The following SMARCC1 variants were observed in gnomAD, a reference collection of about 807,000 sequenced individuals.
SMARCC1 encodes the protein SWI/SNF complex subunit SMARCC1.
In SMARCC1, 43 loss-of-function variants were observed where a neutral mutation model predicts 147.4. That is an observed-to-expected ratio of 0.29 (90% CI 0.23 to 0.38). The LOEUF is 0.38. Among genes scored for constraint, SMARCC1 ranks in the 10% least tolerant of loss-of-function variants. SMARCC1 has a pLI of 1.00. For missense variants in SMARCC1, 1,119 were observed against 1,381.1 expected (o/e 0.81, Z 3.01); for synonymous variants, 495 against 484.4 (o/e 1.02, Z -0.29).
At chr3:47,595,350 C>G (rs1473848351) in intron 26 of SMARCC1, among the ~76,000 whole-genome samples, 1 of 152,036 alleles carries the variant, frequency 6.6e-6, no homozygotes, top group Non-Finnish European at 1.5e-5. Context: ...CATGTTGAAA[C>G]CCCATCTCTA....
chr3:47,600,276 A>C (rs1171402181), intron 26 of SMARCC1, among the ~76,000 whole-genome samples: 1 of 152,230 alleles, frequency 6.6e-6, no homozygotes, highest in Non-Finnish European at 1.5e-5. Context: ...CTCTCAGGAA[A>C]GCAAGAGGTA....
chr3:47,689,645 A>G (rs1050494726), intron 12 of SMARCC1, among the ~76,000 whole-genome samples: 1 of 152,238 alleles, frequency 6.6e-6, no homozygotes, highest in Non-Finnish European at 1.5e-5. Context: ...AATTTCAAAC[A>G]GTGGGGAATT....
chr3:47,745,948 T>A lies in SMARCC1; in HGVS notation c.361A>T (p.Ile121Phe), dbSNP rs1403948078. The A allele has an allele frequency of 6.3e-7, 1 of 1,591,248 alleles. No homozygotes were observed. The highest frequency in any genetic ancestry group is 8.5e-7 in the Non-Finnish European group (1 of 1,172,964). The change falls in exon 3 of 28, where the codon ATT (isoleucine) becomes TTT (phenylalanine). Residue 121 changes from isoleucine (I) to phenylalanine (F), a missense_variant. Around this residue, in one of 6 missense-constraint regions of SMARCC1, gnomAD observed 542 missense variants for 611.8 expected, o/e 0.89. Transcript: ENST00000254480. ...DFKAGGALCH[I>F]LGAAYKYKNE... Reference sequence around the variant, plus strand: ...TTATACTTGTAAGCAGCCCCAAGAATGTGACATAAGGCGCCTCCAGCTTTG... The same window carrying A: ...TTATACTTGTAAGCAGCCCCAAGAAAGTGACATAAGGCGCCTCCAGCTTTG...
At chr3:47,602,110 T>G (rs2032396992) in intron 26 of SMARCC1, among the ~76,000 whole-genome samples, 1 of 152,042 alleles carries the variant, frequency 6.6e-6, no homozygotes, top group Non-Finnish European at 1.5e-5. Context: ...TAGGGTTGTG[T>G]AAGTAGGTGT....
chr3:47,729,192 TTTAC>T (rs1395167445), intron 5 of SMARCC1, 98 bp from the exon 6 acceptor site: 3 of 756,946 alleles, frequency 4.0e-6, no homozygotes, highest in Non-Finnish European at 6.5e-6. Context: ...AAAGCATGGT[TTTAC>T]TTATAGACTT....
At chr3:47,703,261 G>C (rs1236760639) in intron 10 of SMARCC1, among the ~76,000 whole-genome samples, 1 of 152,168 alleles carries the variant, frequency 6.6e-6, no homozygotes, top group Non-Finnish European at 1.5e-5. Flanking sequence ...GCTAAGCCGG[G>C]CATGGTGGCA....
intron 10 of SMARCC1, among the ~76,000 whole-genome samples, chr3:47,705,338 A>C (rs1485690932): frequency 6.6e-6 from 1 of 151,482 alleles, no homozygotes; most frequent in African/African-American, 2.4e-5. Context: ...AAAAAAAAAA[A>C]AAAAACGAAC....
At chr3:47,756,609 C>T (rs1460722230) in intron 2 of SMARCC1, among the ~76,000 whole-genome samples, 3 of 147,982 alleles carry the variant, frequency 2.0e-5, no homozygotes, top group Non-Finnish European at 4.5e-5. Flanking sequence ...AAAAATTTTA[C>T]TAAATTGTTC....
At chr3:47,747,613 C>T (rs934822345) in intron 2 of SMARCC1, among the ~76,000 whole-genome samples, 1 of 151,232 alleles carries the variant, frequency 6.6e-6, no homozygotes, top group South Asian at 2.1e-4. Context: ...GCCTGGGTGA[C>T]AGAGTGTGAC....
chr3:47,680,523 A>T lies in SMARCC1; in HGVS notation c.1386-15T>A, dbSNP rs756462282. 6.5e-6 allele frequency: 10 copies of T among 1,537,602 alleles called. No individual in the cohort carries two copies. Among genetic ancestry groups the T allele is most frequent in the Non-Finnish European group, 8.8e-6 (10 of 1,134,136 alleles). On this transcript the variant is annotated splice_polypyrimidine_tract_variant and intron_variant, in intron 14 of 27. Transcript: ENST00000254480. ...TCACATGAATACTGAAAAGAAGAAG[A>T]AAAAAAGATTTAGGAGTGTTCTTTT...
At chr3:47,609,770 A>G (rs1216263671) in intron 26 of SMARCC1, among the ~76,000 whole-genome samples, 2 of 152,174 alleles carry the variant, frequency 1.3e-5, no homozygotes, top group Admixed American at 6.5e-5. Context: ...GAAAATGTCT[A>G]TAATTTTTTT....
chr3:47,643,918 G>A (rs1250368370), intron 21 of SMARCC1, among the ~76,000 whole-genome samples: 1 of 152,138 alleles, frequency 6.6e-6, no homozygotes, highest in Non-Finnish European at 1.5e-5. Context: ...TGCAAGGCAC[G>A]GGAAGCTCAC....
Position 47,662,340 on chromosome 3 carries a change from C to T in SMARCC1, c.2152G>A (p.Ala718Thr). Residue 718 changes from alanine to threonine, a missense_variant, in exon 20 of 28, where the codon GCT becomes ACT. Coordinates refer to ENST00000254480, the MANE Select transcript of SMARCC1 (RefSeq NM_003074.4). ...PRVASAAAKA[A>T]LEEFSRVREE... ...GGTTTAGGGAAGTCCATACCCAAAG[C>T]CGCTTTTGCTGCAGCAGATGCCACG... The T allele has an allele frequency of 6.2e-7, 1 of 1,613,848 alleles. No individual in the cohort carries two copies. Among genetic ancestry groups the T allele is most frequent in the Non-Finnish European group, 8.5e-7 (1 of 1,179,908 alleles).
chr3:47,754,990 C>G (rs1456468905), intron 2 of SMARCC1, among the ~76,000 whole-genome samples: 1 of 152,166 alleles, frequency 6.6e-6, no homozygotes, highest in Non-Finnish European at 1.5e-5. Context: ...CTGCAGTGAG[C>G]TGAGATCGTG....
At chr3:47,609,594 T>C (rs1576386433) in intron 26 of SMARCC1, among the ~76,000 whole-genome samples, 1 of 152,324 alleles carries the variant, frequency 6.6e-6, no homozygotes, top group South Asian at 2.1e-4. Context: ...CTCTAAAATG[T>C]TGATAATTTT....
intron 26 of SMARCC1, among the ~76,000 whole-genome samples, chr3:47,591,269 T>G (rs1317514544): frequency 1.6e-4 from 24 of 152,176 alleles, no homozygotes; most frequent in Admixed American, 1.5e-3. Context: ...CAGTCCAGAT[T>G]GTGCTCCATG....
At chr3:47,680,604 G>C (rs1385413545) in intron 14 of SMARCC1, 96 bp from the exon 15 acceptor site, 1 of 676,190 alleles carries the variant, frequency 1.5e-6, no homozygotes, top group African/African-American at 2.1e-5. Flanking sequence ...CTGGAGTGCA[G>C]TGGCGGGATC....
intron 5 of SMARCC1, among the ~76,000 whole-genome samples, chr3:47,732,603 T>G (rs773734264): frequency 3.8e-4 from 58 of 152,114 alleles, no homozygotes; most frequent in Admixed American, 1.2e-3. Context: ...GTAGGGTTAT[T>G]AATTGGCTTA....
chr3:47,748,624 A>T (rs1229426454), intron 2 of SMARCC1, among the ~76,000 whole-genome samples: 33 of 152,194 alleles, frequency 2.2e-4, no homozygotes, highest in Admixed American at 2.2e-3. Flanking sequence ...TTTACAGATT[A>T]AAAATATAGC....
Sources: gnomAD v4.1 joint callset for allele counts (sites outside exome capture counted in the v4.1 genomes callset) on GRCh38, gnomAD v4.1.1 for gene constraint, gnomAD v4.1.1 regional missense constraint, MANE v1.5 for transcripts, NCBI Gene and HGNC (gene_info 2026-07-23, HGNC 2026-07-21) for gene names.